The following CDKN2B-AS1 variants were observed in gnomAD, a reference collection of about 807,000 sequenced individuals.
CDKN2B-AS1 encodes the protein CDKN2B antisense RNA 1 (non-protein coding).
At chr9:22,071,422 A>T (rs1170120244) in intron 4 of CDKN2B-AS1, among the ~76,000 whole-genome samples, 1 of 149,910 alleles carries the variant, frequency 6.7e-6, no homozygotes, top group Non-Finnish European at 1.5e-5. Context: ...GTATACGAGT[A>T]CCTAGAAATC....
At chr9:22,018,983 T>G (rs1821906445) in intron 1 of CDKN2B-AS1, among the ~76,000 whole-genome samples, 1 of 152,150 alleles carries the variant, frequency 6.6e-6, no homozygotes, top group Non-Finnish European at 1.5e-5. Context: ...GTCTGCAGTA[T>G]TATAGAAAAT....
intron 4 of CDKN2B-AS1, among the ~76,000 whole-genome samples, chr9:22,099,603 AAAT>A (rs955122430): frequency 5.3e-5 from 8 of 152,172 alleles, no homozygotes; most frequent in African/African-American, 9.6e-5. Context: ...AAGGGCCCCC[AAAT>A]AATAGTGTGT....
intron 4 of CDKN2B-AS1, among the ~76,000 whole-genome samples, chr9:22,108,722 C>T (rs1825725570): frequency 6.6e-6 from 1 of 152,148 alleles, no homozygotes; most frequent in Non-Finnish European, 1.5e-5. Flanking sequence ...ATTTAATTGT[C>T]CATTTCCAAT....
intron 1 of CDKN2B-AS1, among the ~76,000 whole-genome samples, chr9:22,011,536 G>A (rs1821509607): frequency 6.6e-6 from 1 of 152,098 alleles, no homozygotes; most frequent in South Asian, 2.1e-4. Context: ...TAACTTTTGC[G>A]ACTTCAGAGT....
chr9:22,118,252 G>A (rs1459816302), intron 4 of CDKN2B-AS1: 5 of 151,766 alleles, frequency 3.3e-5, no homozygotes, highest in Non-Finnish European at 7.3e-5. Flanking sequence ...TACTAAAAGT[G>A]AAAATGGGGA....
At chr9:22,064,175 G>T (rs1187378856) in intron 4 of CDKN2B-AS1, among the ~76,000 whole-genome samples, 1 of 152,112 alleles carries the variant, frequency 6.6e-6, no homozygotes, top group African/African-American at 2.4e-5. Context: ...TGGAGTTTGG[G>T]GGGAGAAGAG....
chr9:22,045,370 C>G (rs1429490954), intron 1 of CDKN2B-AS1, among the ~76,000 whole-genome samples: 3 of 152,008 alleles, frequency 2.0e-5, no homozygotes, highest in African/African-American at 7.2e-5. Context: ...ATTTACTCAA[C>G]TCCACACTGC....
rs560680909 is a variant in CDKN2B-AS1 at position 22,089,838 on chromosome 9, T to A, written n.438+33451T>A. Among the ~76,000 whole-genome samples, 15 of 152,342 alleles carry A rather than the reference T, an allele frequency of 9.8e-5. No individual in the cohort carries two copies. The South Asian group carries it at 1.2e-3, about 13-fold the overall frequency. On this transcript the variant is annotated intron_variant and non_coding_transcript_variant, in intron 4 of 4. Transcript: ENST00000650946. ...TTATAAATTACTAAATTCTTTTTTT[T>A]AATTATACTTTACGTTTTAGGGTAC...
intron 4 of CDKN2B-AS1, among the ~76,000 whole-genome samples, chr9:22,060,774 G>A (rs1307037407): frequency 6.6e-6 from 1 of 152,202 alleles, no homozygotes; most frequent in African/African-American, 2.4e-5. Flanking sequence ...ATCATGGCAG[G>A]AGGTGAAAGG....
At position 22,086,059 on chromosome 9, in the gene CDKN2B-AS1, A is replaced by C. The variant is rs145536257; in HGVS notation, n.438+29672A>C. 1.3e-3 allele frequency among the ~76,000 whole-genome samples: 196 copies of C among 152,208 alleles called. 2 individuals carry two copies. The highest frequency in any genetic ancestry group is 4.3e-3 in the African/African-American group (180 of 41,524). Reference sequence around the variant, plus strand: ...CCAGAATTTAAATCTTCATTCTGCTATTACTAGATTTATAAACTTTATCAA... The same window carrying C: ...CCAGAATTTAAATCTTCATTCTGCTCTTACTAGATTTATAAACTTTATCAA... On this transcript the variant is annotated intron_variant and non_coding_transcript_variant, in intron 4 of 4. Coordinates refer to ENST00000650946, the Ensembl canonical transcript of CDKN2B-AS1.
intron 4 of CDKN2B-AS1, among the ~76,000 whole-genome samples, chr9:22,065,084 A>G (rs1298507565): frequency 6.6e-6 from 1 of 152,188 alleles, no homozygotes; most frequent in East Asian, 1.9e-4. Context: ...TTCTATTTAT[A>G]GTGGTAAGCT....
intron 4 of CDKN2B-AS1, among the ~76,000 whole-genome samples, chr9:22,105,607 A>G (rs1236709618): frequency 6.6e-6 from 1 of 152,178 alleles, no homozygotes; most frequent in African/African-American, 2.4e-5. Context: ...GGCAGATGCT[A>G]TATTGCCTTT....
intron 4 of CDKN2B-AS1, among the ~76,000 whole-genome samples, chr9:22,091,168 T>G (rs529964480): frequency 4.7e-4 from 71 of 152,334 alleles, no homozygotes; most frequent in Non-Finnish European, 5.7e-4. Context: ...AGCGCTTTGT[T>G]CTGTTCCATT....
chr9:22,101,664 C>G (rs1398039268), intron 4 of CDKN2B-AS1, among the ~76,000 whole-genome samples: 2 of 99,454 alleles, frequency 2.0e-5, no homozygotes, highest in Admixed American at 2.0e-4. Flanking sequence ...TAACCCTCTT[C>G]AACACACACA....
chr9:22,006,803 G>T lies in CDKN2B-AS1; in HGVS notation n.29+11642G>T, dbSNP rs372873045. 2.6e-5 allele frequency among the ~76,000 whole-genome samples: 4 copies of T among 151,696 alleles called. No homozygotes were observed. The highest frequency in any genetic ancestry group is 9.7e-5 in the African/African-American group (4 of 41,274). ...TCTCATAGCAAATCCCGTGCGGAAG[G>T]CTTTTGTTTGTCATGTGTCTGAGCT... On this transcript the variant is annotated intron_variant and non_coding_transcript_variant, in intron 1 of 4. Coordinates refer to ENST00000650946, the Ensembl canonical transcript of CDKN2B-AS1. The surrounding 1 kb of genome is among the most constrained non-coding windows in gnomAD (Gnocchi z 6.4).
intron 3 of CDKN2B-AS1, among the ~76,000 whole-genome samples, chr9:22,050,221 T>C (rs939207894): frequency 7.2e-5 from 11 of 152,236 alleles, no homozygotes; most frequent in African/African-American, 2.7e-4. Flanking sequence ...TCCTATGACC[T>C]TTTCTATAAT....
At chr9:22,014,725 C>T (rs1466535045) in intron 1 of CDKN2B-AS1, among the ~76,000 whole-genome samples, 1 of 151,388 alleles carries the variant, frequency 6.6e-6, no homozygotes. Flanking sequence ...TGTCATTTAG[C>T]ATTAGATATA....
intron 3 of CDKN2B-AS1, among the ~76,000 whole-genome samples, chr9:22,055,813 C>T (rs1823535173): frequency 2.0e-5 from 3 of 152,096 alleles, no homozygotes; most frequent in Non-Finnish European, 2.9e-5. Flanking sequence ...TGAGGACCTA[C>T]TGCATACCAG....
At chr9:22,117,513 C>G (rs1056270216) in intron 4 of CDKN2B-AS1, 1 of 152,134 alleles carries the variant, frequency 6.6e-6, no homozygotes, top group Non-Finnish European at 1.5e-5. Flanking sequence ...TTTGGAAGCT[C>G]GTGGGAGAGG....
Sources: gnomAD v4.1 joint callset for allele counts (sites outside exome capture counted in the v4.1 genomes callset) on GRCh38, gnomAD v4.1.1 for gene constraint, Gnocchi (gnomAD v3.1) non-coding constraint, MANE v1.5 for transcripts, NCBI Gene and HGNC (gene_info 2026-07-23, HGNC 2026-07-21) for gene names.